ALMS1: variants seen among roughly 807,000 people sequenced by gnomAD.
ALMS1 encodes centrosome-associated protein ALMS1.
A neutral mutation model predicts 352.2 loss-of-function variants in ALMS1; 271 were observed. That is an observed-to-expected ratio of 0.77 (90% confidence interval 0.70 to 0.85). ALMS1 has a LOEUF of 0.85. ALMS1 is among the 40% of genes least tolerant of loss of function. ALMS1 has a pLI of 0.00. For synonymous variants in ALMS1, 1,865 were observed against 1,761.2 expected, an observed-to-expected ratio of 1.06 and a Z score of -1.48; for missense variants, 5,445 against 4,870.7, an observed-to-expected ratio of 1.12 and a Z score of -3.51.
chr2:73,477,753 A>G (rs7602950), intron 9 of ALMS1, among the ~76,000 whole-genome samples: 1 of 152,078 alleles, frequency 6.6e-6, no homozygotes, highest in East Asian at 1.9e-4. Flanking sequence ...AATTTTTTTT[A>G]AAAATTTATT....
chr2:73,386,975 A>G lies in ALMS1; in HGVS notation c.324+783A>G, dbSNP rs80071249. ...TGGCTTTTTACATCTTAAAGAGAAA[A>G]CTATTATAGTTTTGAGTAAGAGTTA... On this transcript the variant is annotated intron_variant, in intron 1 of 22. Coordinates refer to ENST00000613296, the MANE Select transcript of ALMS1 (RefSeq NM_001378454.1). Among the ~76,000 whole-genome samples, 1,236 of 152,282 alleles carry G rather than the reference A, an allele frequency of 8.1e-3. 26 individuals are homozygous for G. The highest frequency in any genetic ancestry group is 0.028 in the African/African-American group (1,169 of 41,550).
chr2:73,452,387 G>A lies in ALMS1; in HGVS notation c.5860G>A (p.Glu1954Lys), dbSNP rs1313974028. 12 of 1,613,888 alleles carry A rather than the reference G, an allele frequency of 7.4e-6. No individual in the cohort carries two copies. The highest frequency in any genetic ancestry group is 6.7e-5 in the African/African-American group (5 of 74,890). The change falls in exon 8 of 23, where the codon GAG becomes AAG. Residue 1954 changes from glutamate (E) to lysine (K), a missense_variant. Glu to Lys is a moderately conservative substitution (Grantham distance 56). Transcript: ENST00000613296. ...REKPSVISQQELPDSHLTEEA... is the reference protein window; with the variant it reads ...REKPSVISQQKLPDSHLTEEA... Reference sequence around the variant, plus strand: ...GAAGCCCAGTGTTATCTCTCAACAGGAGTTGCCAGACAGTCATCTCACAGA... The same window carrying A: ...GAAGCCCAGTGTTATCTCTCAACAGAAGTTGCCAGACAGTCATCTCACAGA...
chr2:73,509,587 C>T (rs1278905645), intron 10 of ALMS1, among the ~76,000 whole-genome samples: 3 of 152,112 alleles, frequency 2.0e-5, no homozygotes, highest in East Asian at 1.9e-4. Flanking sequence ...AATGTTGGCC[C>T]CCACTCTCTT....
chr2:73,470,199 A>G (rs906171652), intron 9 of ALMS1: 6 of 151,170 alleles, frequency 4.0e-5, no homozygotes, highest in Admixed American at 2.0e-4. Flanking sequence ...TTCTGCTCTA[A>G]TTTTTATTCT....
At chr2:73,397,347 T>C (rs1227363925) in intron 1 of ALMS1, among the ~76,000 whole-genome samples, 1 of 152,112 alleles carries the variant, frequency 6.6e-6, no homozygotes, top group Non-Finnish European at 1.5e-5. Context: ...AGTTCTCTGA[T>C]GGATATAAGA....
chr2:73,570,285 G>GAGTTGGAACTCAAGAAAAA (rs1365812157), intron 15 of ALMS1, among the ~76,000 whole-genome samples: 3 of 152,142 alleles, frequency 2.0e-5, no homozygotes. Flanking sequence ...AAGAAAAATC[G>GAGTTGGAACTCAAGAAAAA]TAGCTTGAAA....
chr2:73,523,659 C>T (rs1352775859), intron 11 of ALMS1, among the ~76,000 whole-genome samples: 2 of 151,980 alleles, frequency 1.3e-5, no homozygotes, highest in African/African-American at 2.4e-5. Context: ...CCCAGCTACT[C>T]GGGAGGCTGA....
chr2:73,572,552 G>A lies in ALMS1; in HGVS notation c.10675G>A (p.Val3559Met). Residue 3559 changes from valine to methionine, a missense_variant, in exon 16 of 23, where the codon GTG (valine) becomes ATG (methionine). Physicochemically the swap from Val to Met is conservative, Grantham distance 21. Transcript: ENST00000613296. ...CAATGTGAATTTGGGAAACAAAGAA[G>A]TGATGGATACTACTAAAAGTCAAGT... ...SINVNLGNKE[V>M]MDTTKSQVRD... is the part of the protein sequence containing the mutation. The A allele has an allele frequency of 6.2e-7, 1 of 1,613,846 alleles. No individual in the cohort carries two copies.
chr2:73,584,781 G>A (rs9749859), intron 16 of ALMS1, among the ~76,000 whole-genome samples: 4 of 151,396 alleles, frequency 2.6e-5, no homozygotes, highest in South Asian at 4.2e-4. Context: ...TCCTCACCCC[G>A]CTCCCACCCT....
At chr2:73,551,305 C>A (rs1036448818) in intron 13 of ALMS1, among the ~76,000 whole-genome samples, 1 of 152,090 alleles carries the variant, frequency 6.6e-6, no homozygotes, top group African/African-American at 2.4e-5. Context: ...CATGGCTGTC[C>A]CCCTGCAGGC....
chr2:73,492,669 G>A (rs966966088), intron 10 of ALMS1, among the ~76,000 whole-genome samples: 4 of 151,766 alleles, frequency 2.6e-5, no homozygotes, highest in Admixed American at 6.6e-5. Context: ...TAATAGATTG[G>A]GGCAAAAAAA....
At position 73,451,515 on chromosome 2, in the gene ALMS1, C is replaced by T. The variant is rs188807564; in HGVS notation, c.4988C>T (p.Thr1663Ile). The T allele has an allele frequency of 4.6e-4, 743 of 1,613,754 alleles. 9 individuals carry two copies. The African/African-American group carries it at 9.2e-3, about 20-fold the overall frequency. ...QKTETLPVHS[T>I]SYSNRGKPVI... Reference sequence around the variant, plus strand: ...ACTGAGACATTACCAGTACATTCTACTAGCTACTCAAATAGGGGGAAGCCT... The same window carrying T: ...ACTGAGACATTACCAGTACATTCTATTAGCTACTCAAATAGGGGGAAGCCT... Residue 1663 changes from threonine (T) to isoleucine (I), a missense_variant, in exon 8 of 23, where the codon ACT becomes ATT. Transcript: ENST00000613296.
intron 9 of ALMS1, chr2:73,459,194 T>C (rs927204980): frequency 7.9e-5 from 12 of 152,186 alleles, no homozygotes; most frequent in Non-Finnish European, 1.5e-4. Context: ...TTTATCATGA[T>C]TTGATTCAGA....
intron 6 of ALMS1, among the ~76,000 whole-genome samples, chr2:73,430,099 C>T (rs1671469490): frequency 7.2e-6 from 1 of 138,704 alleles, no homozygotes; most frequent in African/African-American, 2.7e-5. Context: ...TTTTTTGAGA[C>T]AGAGTCTCCC....
chr2:73,492,504 C>T (rs1016470557), intron 10 of ALMS1, among the ~76,000 whole-genome samples: 2 of 152,118 alleles, frequency 1.3e-5, no homozygotes, highest in Non-Finnish European at 2.9e-5. Flanking sequence ...ATTTGTTCCT[C>T]TACACAGTAC....
intron 1 of ALMS1, among the ~76,000 whole-genome samples, chr2:73,404,898 C>CTTTT (rs1297273133): frequency 1.2e-5 from 1 of 82,732 alleles, no homozygotes; most frequent in Admixed American, 1.3e-4. Context: ...TTGTCCTGGA[C>CTTTT]CTTTTTTTTT....
At chr2:73,582,123 T>C (rs913781198) in intron 16 of ALMS1, among the ~76,000 whole-genome samples, 5 of 152,228 alleles carry the variant, frequency 3.3e-5, no homozygotes, top group African/African-American at 9.6e-5. Context: ...GCACTATTGC[T>C]CTTTGCCCAT....
intron 10 of ALMS1, among the ~76,000 whole-genome samples, chr2:73,517,510 A>G (rs1304765789): frequency 1.3e-5 from 2 of 151,236 alleles, no homozygotes; most frequent in African/African-American, 4.9e-5. Flanking sequence ...AGCCTCCCAA[A>G]GAACTGGGAT....
chr2:73,483,218 A>T (rs1344426706), intron 9 of ALMS1, among the ~76,000 whole-genome samples: 2 of 150,158 alleles, frequency 1.3e-5, no homozygotes, highest in Non-Finnish European at 3.0e-5. Context: ...TTAGTGCTAT[A>T]AATTTCCCTC....
Sources: allele counts gnomAD v4.1 joint callset (sites outside exome capture counted in the v4.1 genomes callset), GRCh38; gene constraint gnomAD v4.1.1; transcripts MANE v1.5; gene names NCBI Gene and HGNC (gene_info 2026-07-23, HGNC 2026-07-21).